Variants in TEX2 observed in about 807,000 individuals in gnomAD.
TEX2 encodes the protein testis expressed 2, also known as testis-expressed protein 2.
In TEX2, 53 loss-of-function variants were observed where a neutral mutation model predicts 106.9. That is an observed-to-expected ratio of 0.50 (90% CI 0.40 to 0.62). The LOEUF is 0.62. TEX2 is among the 20% of genes least tolerant of loss of function. TEX2 has a pLI of 0.00. For synonymous variants in TEX2, 523 were observed against 534.8 expected, an observed-to-expected ratio of 0.98 and a Z score of 0.30; for missense variants, 1,207 against 1,379.0, an observed-to-expected ratio of 0.88 and a Z score of 1.98.
intron 1 of TEX2, among the ~76,000 whole-genome samples, chr17:64,226,945 A>G (rs1488424353): frequency 6.6e-6 from 1 of 152,134 alleles, no homozygotes; most frequent in Non-Finnish European, 1.5e-5. Flanking sequence ...AAATGACATC[A>G]GGCTGGGCAC....
chr17:64,152,594 C>T (rs1286276464), intron 10 of TEX2, among the ~76,000 whole-genome samples: 2 of 152,120 alleles, frequency 1.3e-5, no homozygotes, highest in African/African-American at 2.4e-5. Context: ...ACAACCAGGG[C>T]CAGGCAGAGA....
In TEX2 at chr17:64,176,962, G is replaced by A. The variant is rs150817521; in HGVS notation, c.2571+363C>T. ...TACCATGTGGCCTAGACTGCTGTGG[G>A]GCTGGGTGGGCTCTGGATGTACAAT... On this transcript the variant is annotated intron_variant, in intron 6 of 11. Coordinates refer to ENST00000584379, the MANE Select transcript of TEX2 (RefSeq NM_001288732.2). 1.7e-4 allele frequency among the ~76,000 whole-genome samples: 26 copies of A among 152,248 alleles called. 1 individual carries two copies. The highest frequency in any genetic ancestry group is 6.8e-3 in the Middle Eastern group (2 of 294).
intron 1 of TEX2, among the ~76,000 whole-genome samples, chr17:64,231,912 G>A (rs1291917395): frequency 6.6e-6 from 1 of 152,196 alleles, no homozygotes; most frequent in Non-Finnish European, 1.5e-5. Context: ...TCCACAGCAG[G>A]TGTGAGCACA....
In TEX2 at chr17:64,199,178, C is replaced by A. The variant is rs189673190; in HGVS notation, c.1645-4083G>T. On this transcript the variant is annotated intron_variant, in intron 2 of 11. Coordinates refer to ENST00000584379, the MANE Select transcript of TEX2 (RefSeq NM_001288732.2). ...CAGACTTGTCCAGGGAGGTGCTGTA[C>A]AATGGAAATATTAATATAATGTGAG... Among the ~76,000 whole-genome samples, 276 of 152,234 alleles carry A rather than the reference C, an allele frequency of 1.8e-3. 1 individual carries two copies. The highest frequency in any genetic ancestry group is 3.2e-3 in the Non-Finnish European group (217 of 68,018).
rs113487977 is a variant in TEX2, at chr17:64,205,092, C to A, written c.1644+7482G>T. ...TGGAATTCAGGAAGCACGTTCCACA[C>A]AGCTGCCTCTCCAACTTCAACACAA... On this transcript the variant is annotated intron_variant, in intron 2 of 11. Coordinates refer to ENST00000584379, the MANE Select transcript of TEX2 (RefSeq NM_001288732.2). This position sits in a 1 kb window ranked among gnomAD's most constrained non-coding sequence, Gnocchi z 4.0. Among the ~76,000 whole-genome samples, 21 of 152,328 alleles carry A rather than the reference C, an allele frequency of 1.4e-4. No individual in the cohort carries two copies. The highest frequency in any genetic ancestry group is 4.8e-4 in the African/African-American group (20 of 41,568).
At chr17:64,229,010 CA>C (rs781813136) in intron 1 of TEX2, among the ~76,000 whole-genome samples, 5 of 151,490 alleles carry the variant, frequency 3.3e-5, no homozygotes, top group African/African-American at 1.2e-4. Flanking sequence ...TTAACTTAAT[CA>C]TTTTTTTATT....
intron 3 of TEX2, among the ~76,000 whole-genome samples, chr17:64,194,249 A>G (rs560141269): frequency 6.6e-6 from 1 of 152,344 alleles, no homozygotes; most frequent in South Asian, 2.1e-4. Flanking sequence ...AGAAAAAAAA[A>G]GATAGCTAAA....
chr17:64,244,531 T>C (rs1427881467), intron 1 of TEX2, among the ~76,000 whole-genome samples: 1 of 152,228 alleles, frequency 6.6e-6, no homozygotes, highest in Non-Finnish European at 1.5e-5. Flanking sequence ...GCTGAGTCTT[T>C]GATGCTTCAG....
In TEX2 at chr17:64,193,600, G is replaced by T; in HGVS notation, c.2135C>A (p.Ser712Ter). The stretch of plus-strand genomic sequence containing the variant: ...GACACCCGATGACTTCTTGATTTCC[G>T]ACTTTAGCTTAGATGCCAGAATAAA... ...RRFILASKLK[S>*]EIKKSSGVSG... Residue 712 changes from serine (S) to a stop codon, truncating the protein, a stop_gained, in exon 4 of 12, where the codon TCG (serine) becomes TAG (stop). Coordinates refer to ENST00000584379, the MANE Select transcript of TEX2 (RefSeq NM_001288732.2). LOFTEE classifies it high-confidence loss of function. 6.9e-7 allele frequency: 1 copy of T among 1,441,046 alleles called. No homozygotes were observed. The highest frequency in any genetic ancestry group is 9.2e-7 in the Non-Finnish European group (1 of 1,088,354). 89.3% of individuals were successfully genotyped at this position (1,441,046 alleles called of 1,614,324 possible). A position where few individuals can be genotyped will look rare whatever the true frequency, so the allele number is the denominator to read the frequency against.
intron 4 of TEX2, among the ~76,000 whole-genome samples, chr17:64,190,357 C>A (rs1442613332): frequency 6.6e-6 from 1 of 151,826 alleles, no homozygotes; most frequent in Non-Finnish European, 1.5e-5. Context: ...CCAGTGAAAT[C>A]CAAATAAAGA....
Position 64,195,160 on chromosome 17 carries a change from A to T in TEX2, c.1645-65T>A. ...CGCAAATCTGATTTAGTGTGAAATG[A>T]TGAACACTGTGGTATTTGGGACACT... On this transcript the variant is annotated intron_variant, in intron 2 of 11. Transcript: ENST00000584379. The surrounding 1 kb of genome is among the most constrained non-coding windows in gnomAD (Gnocchi z 4.1). 1 of 1,467,142 alleles carries T rather than the reference A, an allele frequency of 6.8e-7. No individual in the cohort carries two copies. The highest frequency in any genetic ancestry group is 9.5e-7 in the Non-Finnish European group (1 of 1,055,376). The allele number at this position is 1,467,142 out of a possible 1,614,324, so 90.9% of individuals were successfully genotyped here.
At chr17:64,234,358 C>T (rs371332649) in intron 1 of TEX2, among the ~76,000 whole-genome samples, 1 of 152,182 alleles carries the variant, frequency 6.6e-6, no homozygotes, top group Non-Finnish European at 1.5e-5. Flanking sequence ...ACAGCAGTAT[C>T]CTGTCTTTCC....
chr17:64,149,340 A>G, intron 11 of TEX2: 1 of 441,364 alleles, frequency 2.3e-6, no homozygotes, highest in South Asian at 2.6e-5. Context: ...TTTTGTATAC[A>G]TATAATAAGG....
chr17:64,213,231 G>A lies in TEX2; in HGVS notation c.987C>T (p.Ser329=). 1.2e-6 allele frequency: 2 copies of A among 1,614,196 alleles called. No homozygotes were observed. Among genetic ancestry groups the A allele is most frequent in the Non-Finnish European group, 1.7e-6 (2 of 1,180,040 alleles). The change falls in exon 2 of 12, where the codon TCC becomes TCT. Residue 329 remains serine, a synonymous_variant. Transcript: ENST00000584379. This position sits in a 1 kb window ranked among gnomAD's most constrained non-coding sequence, Gnocchi z 4.4. ...AGTGCCCATTCAAGCTGGACAGATT[G>A]GAGAGTTCTGAAGCACTTGAAGATA... is the stretch of plus-strand genomic sequence containing the variant. ...KALSSSASEL[S]NLSSLNGHLE...
rs1198099015 is a variant in TEX2, at chr17:64,147,895, T to C, written c.*1074A>G. The C allele has an allele frequency of 1.3e-5, 2 of 152,646 alleles. No homozygotes were observed. Among genetic ancestry groups the C allele is most frequent in the African/African-American group, 4.8e-5 (2 of 41,452 alleles). The allele number at this position is 152,646 out of a possible 1,614,324, so 9.5% of individuals were successfully genotyped here. On this transcript the variant is annotated 3_prime_UTR_variant, in exon 12 of 12. Coordinates refer to ENST00000584379, the MANE Select transcript of TEX2 (RefSeq NM_001288732.2). Reference sequence around the variant, plus strand: ...AATAAAAAAATGGTATTAGGTTTACTTCTCGAAGCAAAGAGAGCCCCCAAC... The same window carrying C: ...AATAAAAAAATGGTATTAGGTTTACCTCTCGAAGCAAAGAGAGCCCCCAAC...
intron 1 of TEX2, among the ~76,000 whole-genome samples, chr17:64,254,289 T>A (rs570785045): frequency 6.6e-6 from 1 of 152,316 alleles, no homozygotes; most frequent in East Asian, 1.9e-4. Flanking sequence ...TACTACATAA[T>A]CAAACTCCTT....
intron 2 of TEX2, among the ~76,000 whole-genome samples, chr17:64,199,874 T>C (rs1263609662): frequency 6.6e-6 from 1 of 152,220 alleles, no homozygotes; most frequent in African/African-American, 2.4e-5. Flanking sequence ...CAACTATGAA[T>C]AGAATGGGCA....
Position 64,188,339 on chromosome 17 carries a change from A to G in TEX2, c.2253T>C (p.Ser751=). 4 of 1,614,078 alleles carry G rather than the reference A, an allele frequency of 2.5e-6. No homozygotes were observed. Among genetic ancestry groups the G allele is most frequent in the Non-Finnish European group, 3.4e-6 (4 of 1,180,004 alleles). ...LTHSRSSSKG[S]VEEIMSQPKQ... is the part of the protein sequence containing the mutation. Reference sequence around the variant, plus strand: ...TTGGCTGTGACATGATCTCCTCCACACTGCCTTTGCTGCTGCTGCGGCTGT... The same window carrying G: ...TTGGCTGTGACATGATCTCCTCCACGCTGCCTTTGCTGCTGCTGCGGCTGT... The change falls in exon 5 of 12, where the codon AGT becomes AGC. Residue 751 remains serine (S), a synonymous_variant. Coordinates refer to ENST00000584379, the MANE Select transcript of TEX2 (RefSeq NM_001288732.2).
rs953026926 is a variant in TEX2 at position 64,212,605 on chromosome 17, G to A, written c.1613C>T (p.Ser538Phe). The A allele has an allele frequency of 2.5e-6, 4 of 1,614,148 alleles. No individual in the cohort carries two copies. In the East Asian group the frequency reaches 8.9e-5, roughly 36 times the overall value. The part of the protein sequence containing the change: ...HKNLRHWNTR[S>F]LDIKEPEILK... ...TATTTCAGGTTCTTTGATATCCAGA[G>A]ATCTTGTGTTCCAGTGTCGCAGATT... Residue 538 changes from serine (S) to phenylalanine (F), a missense_variant, in exon 2 of 12, where the codon TCT becomes TTT. Physicochemically the swap from Ser to Phe is radical, Grantham distance 155. This residue lies in a region of TEX2 where 1,067 missense variants were observed against 1,193.6 expected (regional missense o/e 0.89). Coordinates refer to ENST00000584379, the MANE Select transcript of TEX2 (RefSeq NM_001288732.2).
Sources: gnomAD v4.1 joint callset for allele counts (sites outside exome capture counted in the v4.1 genomes callset) on GRCh38, gnomAD v4.1.1 for gene constraint, gnomAD v4.1.1 regional missense constraint, Gnocchi (gnomAD v3.1) non-coding constraint, MANE v1.5 for transcripts, NCBI Gene and HGNC (gene_info 2026-07-23, HGNC 2026-07-21) for gene names.